Variants in ADD2 observed in about 807,000 individuals in gnomAD.
ADD2 encodes adducin 2, also known as beta-adducin.
Under a neutral mutation model 83.0 loss-of-function variants are expected in ADD2, and 23 were observed. That is an observed-to-expected ratio of 0.28 (90% CI 0.20 to 0.39). The LOEUF is 0.39. ADD2 is among the 10% of genes least tolerant of loss of function. ADD2 has a pLI of 1.00. For synonymous variants in ADD2, 375 were observed against 375.4 expected, an observed-to-expected ratio of 1.00 and a Z score of 0.01; for missense variants, 758 against 944.9, an observed-to-expected ratio of 0.80 and a Z score of 2.59.
chr2:70,731,130 T>C (rs4852227), intron 1 of ADD2, among the ~76,000 whole-genome samples: 21,885 of 152,058 alleles, frequency 0.14, 1,687 homozygotes, highest in East Asian at 0.29. Context: ...GGGGAATATA[T>C]CAGGAGGATG....
chr2:70,714,731 T>C (rs559689981), intron 1 of ADD2, among the ~76,000 whole-genome samples: 1 of 152,338 alleles, frequency 6.6e-6, no homozygotes, highest in East Asian at 1.9e-4. Flanking sequence ...TGGGGTTTGC[T>C]GATGTATCTC....
intron 10 of ADD2, among the ~76,000 whole-genome samples, chr2:70,681,711 T>C (rs1476665153): frequency 3.9e-5 from 6 of 152,046 alleles, no homozygotes; most frequent in Admixed American, 1.3e-4. Flanking sequence ...CATGTAACCA[T>C]ATTATCTGTA....
chr2:70,761,230 T>TA (rs1558585982), intron 1 of ADD2, among the ~76,000 whole-genome samples: 24 of 151,578 alleles, frequency 1.6e-4, no homozygotes, highest in African/African-American at 5.3e-4. Context: ...TGCATTACTT[T>TA]TTTTTTTTTT....
At chr2:70,758,544 T>C (rs1424548170) in intron 1 of ADD2, among the ~76,000 whole-genome samples, 1 of 152,114 alleles carries the variant, frequency 6.6e-6, no homozygotes, top group African/African-American at 2.4e-5. Flanking sequence ...GGTAAGGAGC[T>C]TGGGCTTTAT....
chr2:70,760,545 CTTTG>C (rs1295977016), intron 1 of ADD2: 1 of 152,148 alleles, frequency 6.6e-6, no homozygotes, highest in Admixed American at 6.5e-5. Context: ...GTCTGATGTA[CTTTG>C]TTTGAGGATG....
intron 1 of ADD2, among the ~76,000 whole-genome samples, chr2:70,735,589 C>T (rs1673504807): frequency 6.6e-6 from 1 of 152,076 alleles, no homozygotes. Context: ...TCCCTCCTCC[C>T]TCTTTCCTAA....
Position 70,675,296 on chromosome 2 carries a change from T to A in ADD2, c.1594-471A>T, listed in dbSNP as rs373528125. ...AGCCACAACACACAGCATTAAGTTA[T>A]ATGCACAACACACAGCAGCTTCAGT... On this transcript the variant is annotated intron_variant, in intron 13 of 15. Coordinates refer to ENST00000264436, the MANE Select transcript of ADD2 (RefSeq NM_001617.4). The A allele has an allele frequency of 4.0e-6, 4 of 992,840 alleles. No individual in the cohort carries two copies. The African/African-American group carries it at 7.0e-5, about 17-fold the overall frequency. 61.5% of individuals were successfully genotyped at this position (992,840 alleles called of 1,614,324 possible).
At chr2:70,750,176 T>C (rs1674436514) in intron 1 of ADD2, among the ~76,000 whole-genome samples, 1 of 152,184 alleles carries the variant, frequency 6.6e-6, no homozygotes, top group Non-Finnish European at 1.5e-5. Flanking sequence ...TCCCACCAAA[T>C]ATACCTTAGG....
intron 10 of ADD2, among the ~76,000 whole-genome samples, chr2:70,680,494 A>T (rs1343883409): frequency 1.3e-5 from 2 of 152,176 alleles, no homozygotes; most frequent in African/African-American, 4.8e-5. Flanking sequence ...ACATTGCCCT[A>T]GCCATTCTGA....
chr2:70,722,947 C>A (rs1672807168), intron 1 of ADD2, among the ~76,000 whole-genome samples: 1 of 152,242 alleles, frequency 6.6e-6, no homozygotes, highest in Non-Finnish European at 1.5e-5. Context: ...TCTACAAGAA[C>A]ACTCCCAAAT....
At position 70,662,284 on chromosome 2, in the gene ADD2, A is replaced by C. The variant is rs1553365139; in HGVS notation, c.*1141T>G. The C allele has an allele frequency of 6.6e-6, 1 of 152,210 alleles. No individual in the cohort carries two copies. Among genetic ancestry groups the C allele is most frequent in the Non-Finnish European group, 1.5e-5 (1 of 68,034 alleles). The allele number at this position is 152,210 out of a possible 1,614,324, so 9.4% of individuals were successfully genotyped here. ...TGGACAGATAGGGACAAGGACAGGGATACCCAGCATTTCTCTGAGAGCTGG... is the reference window on the plus strand; with the variant it reads ...TGGACAGATAGGGACAAGGACAGGGCTACCCAGCATTTCTCTGAGAGCTGG... On this transcript the variant is annotated 3_prime_UTR_variant, in exon 16 of 16. Coordinates refer to ENST00000264436, the MANE Select transcript of ADD2 (RefSeq NM_001617.4).
chr2:70,664,086 C>T (rs1553365635), intron 15 of ADD2, among the ~76,000 whole-genome samples: 3 of 152,142 alleles, frequency 2.0e-5, no homozygotes, highest in Admixed American at 6.5e-5. Flanking sequence ...AAGGAGAAGG[C>T]GTGAGGTGTA....
chr2:70,736,816 G>A (rs2104485157), intron 1 of ADD2, among the ~76,000 whole-genome samples: 1 of 150,844 alleles, frequency 6.6e-6, no homozygotes, highest in East Asian at 2.0e-4. Flanking sequence ...CGAATAATAT[G>A]AGCTTGGAGG....
At chr2:70,722,163 C>T (rs181625829) in intron 1 of ADD2, among the ~76,000 whole-genome samples, 1 of 152,228 alleles carries the variant, frequency 6.6e-6, no homozygotes, top group East Asian at 1.9e-4. Context: ...TGTTGTAGGT[C>T]TCAGAAGTGA....
At chr2:70,717,189 T>C (rs1416226618) in intron 1 of ADD2, among the ~76,000 whole-genome samples, 1 of 151,904 alleles carries the variant, frequency 6.6e-6, no homozygotes, top group African/African-American at 2.4e-5. Context: ...TTCGCCCTGG[T>C]AGGAGGGCAG....
chr2:70,746,746 T>A (rs1553382064), intron 1 of ADD2, among the ~76,000 whole-genome samples: 1 of 152,214 alleles, frequency 6.6e-6, no homozygotes, highest in African/African-American at 2.4e-5. Flanking sequence ...AGGATTTCTC[T>A]GCCTCCTCAG....
chr2:70,675,643 A>C, intron 13 of ADD2: 1 of 985,402 alleles, frequency 1.0e-6, no homozygotes, highest in Non-Finnish European at 1.2e-6. Flanking sequence ...AGGAGCAAAG[A>C]GAGTGAAGCC....
At chr2:70,755,054 C>T (rs1672180686) in intron 1 of ADD2, among the ~76,000 whole-genome samples, 1 of 152,162 alleles carries the variant, frequency 6.6e-6, no homozygotes, top group Non-Finnish European at 1.5e-5. Context: ...CCTATGTGAC[C>T]TTGCCCCTGC....
At chr2:70,677,231 G>C (rs1226684578) in intron 12 of ADD2, among the ~76,000 whole-genome samples, 2 of 152,086 alleles carry the variant, frequency 1.3e-5, no homozygotes, top group African/African-American at 4.8e-5. Flanking sequence ...TGGGGAGAGG[G>C]GAGAGGGGAG....
Sources: allele counts gnomAD v4.1 joint callset (sites outside exome capture counted in the v4.1 genomes callset), GRCh38; gene constraint gnomAD v4.1.1; transcripts MANE v1.5; gene names NCBI Gene and HGNC (gene_info 2026-07-23, HGNC 2026-07-21).